The following MGAT4C variants were observed in gnomAD, a reference collection of about 807,000 sequenced individuals.
The protein encoded by MGAT4C is alpha-1,3-mannosyl-glycoprotein 4-beta-N-acetylglucosaminyltransferase C.
MGAT4C carries 19 observed loss-of-function variants against 40.1 expected under a neutral mutation model. The observed-to-expected ratio is 0.47, with a 90% CI of 0.33 to 0.70. The LOEUF is 0.70. MGAT4C is among the 30% of genes least tolerant of loss of function. The pLI, the probability that MGAT4C is intolerant of heterozygous loss-of-function variation, is 0.02. For synonymous variants in MGAT4C, 181 were observed against 187.1 expected, an observed-to-expected ratio of 0.97 and a Z score of 0.27; for missense variants, 491 against 563.2, an observed-to-expected ratio of 0.87 and a Z score of 1.30.
chr12:86,178,427 G>A (rs1887737430), intron 1 of MGAT4C, among the ~76,000 whole-genome samples: 1 of 152,184 alleles, frequency 6.6e-6, no homozygotes, highest in Admixed American at 6.5e-5. Flanking sequence ...CATTTATGCT[G>A]AGAATTTAAT....
intron 2 of MGAT4C, among the ~76,000 whole-genome samples, chr12:86,600,578 T>C (rs1961730239): frequency 6.6e-6 from 1 of 152,206 alleles, no homozygotes; most frequent in African/African-American, 2.4e-5. Flanking sequence ...ACTGGGCTCT[T>C]AGCCAGCACA....
chr12:86,320,222 C>T (rs1442187438), intron 4 of MGAT4C, among the ~76,000 whole-genome samples: 1 of 152,090 alleles, frequency 6.6e-6, no homozygotes, highest in Non-Finnish European at 1.5e-5. Context: ...ATATTGATAT[C>T]TGATAATGGC....
At chr12:86,823,310 T>C (rs1952738189) in intron 1 of MGAT4C, among the ~76,000 whole-genome samples, 1 of 150,512 alleles carries the variant, frequency 6.6e-6, no homozygotes, top group Non-Finnish European at 1.5e-5. Flanking sequence ...ACGCAAAAGG[T>C]AGAAAAAAAT....
intron 1 of MGAT4C, among the ~76,000 whole-genome samples, chr12:86,062,067 G>A (rs953916645): frequency 8.5e-5 from 13 of 152,206 alleles, no homozygotes; most frequent in South Asian, 2.1e-4. Context: ...TGACCCCCAC[G>A]TATCCTGACT....
intron 2 of MGAT4C, among the ~76,000 whole-genome samples, chr12:86,574,143 T>A (rs1960472349): frequency 6.6e-6 from 1 of 151,734 alleles, no homozygotes; most frequent in South Asian, 2.1e-4. Flanking sequence ...CTTTCTTTTC[T>A]CAGCCATAAT....
At chr12:86,370,415 T>C (rs1183561027) in intron 3 of MGAT4C, among the ~76,000 whole-genome samples, 1 of 151,896 alleles carries the variant, frequency 6.6e-6, no homozygotes, top group Non-Finnish European at 1.5e-5. Flanking sequence ...ATGAGAAAAA[T>C]ACAAGCATGT....
At chr12:86,102,272 ATAAAT>A (rs1875250419) in intron 1 of MGAT4C, among the ~76,000 whole-genome samples, 1 of 151,986 alleles carries the variant, frequency 6.6e-6, no homozygotes, top group Non-Finnish European at 1.5e-5. Context: ...AAAGCTGAAG[ATAAAT>A]TAAAGAGCCA....
intron 2 of MGAT4C, among the ~76,000 whole-genome samples, chr12:86,466,244 T>A (rs774909535): frequency 6.6e-6 from 1 of 152,074 alleles, no homozygotes; most frequent in African/African-American, 2.4e-5. Context: ...AATGTGGATT[T>A]TTATAGCAGT....
At chr12:86,378,410 G>A (rs1260522164) in intron 3 of MGAT4C, among the ~76,000 whole-genome samples, 1 of 152,056 alleles carries the variant, frequency 6.6e-6, no homozygotes, top group Non-Finnish European at 1.5e-5. Flanking sequence ...TAATTCATAA[G>A]AATCTCTAGA....
intron 2 of MGAT4C, among the ~76,000 whole-genome samples, chr12:86,706,858 A>G (rs1486976955): frequency 6.6e-6 from 1 of 152,026 alleles, no homozygotes; most frequent in African/African-American, 2.4e-5. Context: ...TGTGGGAGGG[A>G]CCTGGTAGGA....
intron 1 of MGAT4C, among the ~76,000 whole-genome samples, chr12:86,798,407 A>C (rs1449691313): frequency 6.6e-6 from 1 of 151,908 alleles, no homozygotes; most frequent in African/African-American, 2.4e-5. Context: ...GACGAGTGTT[A>C]CTACCTCAGG....
At chr12:86,193,265 A>G (rs1439128539) in intron 1 of MGAT4C, among the ~76,000 whole-genome samples, 1 of 151,466 alleles carries the variant, frequency 6.6e-6, no homozygotes, top group Non-Finnish European at 1.5e-5. Context: ...TTTTGCCTTT[A>G]CTTTTAGCCT....
chr12:86,262,406 T>G, intron 4 of MGAT4C, among the ~76,000 whole-genome samples: 1 of 152,170 alleles, frequency 6.6e-6, no homozygotes, highest in East Asian at 1.9e-4. Context: ...TCTTTCTTTT[T>G]ATCTAGGTGT....
At chr12:86,491,138 T>C (rs1446998833) in intron 2 of MGAT4C, among the ~76,000 whole-genome samples, 1 of 152,038 alleles carries the variant, frequency 6.6e-6, no homozygotes, top group Non-Finnish European at 1.5e-5. Context: ...GGCTCTGAAA[T>C]TGTGGCAATA....
intron 1 of MGAT4C, among the ~76,000 whole-genome samples, chr12:86,809,498 C>T (rs1260066757): frequency 6.6e-6 from 1 of 151,916 alleles, no homozygotes; most frequent in Non-Finnish European, 1.5e-5. Context: ...ACCTTCCCAC[C>T]AGCAATATAT....
At chr12:86,472,615 T>C (rs191187257) in intron 2 of MGAT4C, among the ~76,000 whole-genome samples, 38 of 152,298 alleles carry the variant, frequency 2.5e-4, no homozygotes, top group Admixed American at 2.3e-3. Flanking sequence ...TTTTTTCTTC[T>C]AGCTTAAAAG....
intron 2 of MGAT4C, among the ~76,000 whole-genome samples, chr12:86,601,482 G>A (rs1485328598): frequency 1.3e-5 from 2 of 152,048 alleles, no homozygotes; most frequent in Admixed American, 1.3e-4. Flanking sequence ...TGTGGATAGC[G>A]GTTACCTGTG....
At chr12:86,492,941 A>G (rs944683722) in intron 2 of MGAT4C, among the ~76,000 whole-genome samples, 12 of 152,204 alleles carry the variant, frequency 7.9e-5, no homozygotes, top group Non-Finnish European at 1.6e-4. Context: ...AACTCAAACA[A>G]ATTTACAAGA....
At chr12:86,509,135 C>T (rs1342534947) in intron 2 of MGAT4C, among the ~76,000 whole-genome samples, 1 of 152,058 alleles carries the variant, frequency 6.6e-6, no homozygotes, top group Non-Finnish European at 1.5e-5. Flanking sequence ...AGTCCTTGAC[C>T]ATGCCTATGT....
Sources: allele counts gnomAD v4.1 joint callset (sites outside exome capture counted in the v4.1 genomes callset), GRCh38; gene constraint gnomAD v4.1.1; transcripts MANE v1.5; gene names NCBI Gene and HGNC (gene_info 2026-07-23, HGNC 2026-07-21).